LRP1B: variants seen among roughly 807,000 people sequenced by gnomAD.
LRP1B encodes the protein LDL receptor related protein 1B.
LRP1B carries 217 observed loss-of-function variants against 556.6 expected under a neutral mutation model. The observed-to-expected ratio is 0.39, with a 90% confidence interval of 0.35 to 0.44. LRP1B has a LOEUF of 0.44. Among genes scored for constraint, LRP1B ranks in the 20% least tolerant of loss-of-function variants. The pLI is 1.00. For synonymous variants in LRP1B, 2,047 were observed against 1,865.8 expected, an observed-to-expected ratio of 1.10 and a Z score of -2.50; for missense variants, 5,053 against 5,620.8, an observed-to-expected ratio of 0.90 and a Z score of 3.23.
intron 1 of LRP1B, among the ~76,000 whole-genome samples, chr2:141,936,609 C>T (rs567406818): frequency 6.6e-6 from 1 of 152,286 alleles, no homozygotes; most frequent in African/African-American, 2.4e-5. Context: ...TATTTTGTTA[C>T]AGCAGTTCTA....
At chr2:142,000,025 C>T (rs1559013646) in intron 1 of LRP1B, among the ~76,000 whole-genome samples, 1 of 139,238 alleles carries the variant, frequency 7.2e-6, no homozygotes, top group African/African-American at 2.5e-5. Context: ...ATTATATATA[C>T]TATATAATAT....
At chr2:141,761,788 T>C (rs1007539496) in intron 2 of LRP1B, among the ~76,000 whole-genome samples, 7 of 152,138 alleles carry the variant, frequency 4.6e-5, no homozygotes, top group African/African-American at 1.7e-4. Flanking sequence ...AAAAGGAATA[T>C]GCAGGCCAAT....
intron 20 of LRP1B, among the ~76,000 whole-genome samples, chr2:140,936,835 T>C (rs1204131668): frequency 3.3e-5 from 5 of 152,146 alleles, no homozygotes; most frequent in Middle Eastern, 3.2e-3. Flanking sequence ...GTTTCAGACA[T>C]ACAATGTATT....
intron 5 of LRP1B, among the ~76,000 whole-genome samples, chr2:141,231,117 A>T (rs116003290): frequency 0.015 from 2,269 of 152,358 alleles, 26 homozygotes; most frequent in Non-Finnish European, 0.022. Flanking sequence ...AGAAAATTTC[A>T]TAAATATCAT....
chr2:140,669,275 C>T (rs1429041299), intron 41 of LRP1B, among the ~76,000 whole-genome samples: 1 of 151,962 alleles, frequency 6.6e-6, no homozygotes, highest in African/African-American at 2.4e-5. Context: ...TTTTTACAAA[C>T]CAAAAAGTGT....
chr2:140,958,298 T>A (rs544860492), intron 18 of LRP1B, among the ~76,000 whole-genome samples: 2 of 151,522 alleles, frequency 1.3e-5, no homozygotes, highest in Non-Finnish European at 3.0e-5. Flanking sequence ...TAAGTCAAAA[T>A]GTATTTAAAA....
rs552537542 is a variant in LRP1B, at chr2:140,751,818, C to T, written c.5758+17395G>A. On this transcript the variant is annotated intron_variant, in intron 35 of 90. Coordinates refer to ENST00000389484, the MANE Select transcript of LRP1B (RefSeq NM_018557.3). ...TGCCCTGATTCTTATCCCTAGGATT[C>T]ATTTTTCCTTTCTGAAATATTTTTA... 3.3e-5 allele frequency among the ~76,000 whole-genome samples: 5 copies of T among 152,240 alleles called. No homozygotes were observed. In the East Asian group the frequency reaches 9.6e-4, roughly 29 times the overall value.
intron 20 of LRP1B, among the ~76,000 whole-genome samples, chr2:140,936,652 T>C (rs1035410022): frequency 6.6e-6 from 1 of 152,012 alleles, no homozygotes; most frequent in Non-Finnish European, 1.5e-5. Flanking sequence ...TCTAGTCTTA[T>C]TTTAACAGTG....
intron 1 of LRP1B, among the ~76,000 whole-genome samples, chr2:142,027,947 C>T (rs1338451547): frequency 6.6e-6 from 1 of 151,928 alleles, no homozygotes; most frequent in Non-Finnish European, 1.5e-5. Flanking sequence ...TTATTCCACT[C>T]TTGGTGAATG....
chr2:140,747,150 G>A (rs387927), intron 35 of LRP1B, among the ~76,000 whole-genome samples: 53,783 of 151,872 alleles, frequency 0.35, 9,668 homozygotes, highest in South Asian at 0.49. Context: ...AATATTGCTC[G>A]TGAATCTGCA....
At chr2:141,679,474 G>T (rs1691026189) in intron 2 of LRP1B, among the ~76,000 whole-genome samples, 1 of 152,048 alleles carries the variant, frequency 6.6e-6, no homozygotes, top group Non-Finnish European at 1.5e-5. Flanking sequence ...TAAGTATATG[G>T]AAAATAAAAA....
intron 23 of LRP1B, among the ~76,000 whole-genome samples, chr2:140,896,649 T>A (rs74825009): frequency 0.04 from 6,016 of 152,192 alleles, 185 homozygotes; most frequent in South Asian, 0.098. Context: ...GACTGGCTAA[T>A]TTTTAAATTA....
At chr2:140,901,086 A>G (rs1401496351) in intron 23 of LRP1B, among the ~76,000 whole-genome samples, 5 of 152,102 alleles carry the variant, frequency 3.3e-5, no homozygotes, top group Admixed American at 3.3e-4. Flanking sequence ...TAGTAGTAGT[A>G]TATTTATAGG....
intron 3 of LRP1B, among the ~76,000 whole-genome samples, chr2:141,407,971 ATC>A (rs1240903316): frequency 2.0e-5 from 3 of 152,028 alleles, no homozygotes; most frequent in African/African-American, 7.2e-5. Flanking sequence ...AGAATATAAC[ATC>A]CATATAACTA....
intron 63 of LRP1B, among the ~76,000 whole-genome samples, chr2:140,445,228 G>C (rs1686604017): frequency 6.6e-6 from 1 of 151,898 alleles, no homozygotes; most frequent in Non-Finnish European, 1.5e-5. Flanking sequence ...CAATTCTACT[G>C]CCTCAGCCAC....
chr2:140,566,741 T>C (rs1052799835), intron 43 of LRP1B, among the ~76,000 whole-genome samples: 3 of 152,122 alleles, frequency 2.0e-5, no homozygotes, highest in Admixed American at 6.6e-5. Flanking sequence ...AGAAGTAACA[T>C]ACCTGTGCCT....
At chr2:140,948,121 C>A (rs1343972732) in intron 20 of LRP1B, among the ~76,000 whole-genome samples, 1 of 152,086 alleles carries the variant, frequency 6.6e-6, no homozygotes, top group African/African-American at 2.4e-5. Flanking sequence ...ATCGTTTAAA[C>A]TTAGTGATAA....
chr2:141,416,068 G>C (rs570630786), intron 3 of LRP1B, among the ~76,000 whole-genome samples: 3 of 152,262 alleles, frequency 2.0e-5, no homozygotes, highest in South Asian at 4.1e-4. Flanking sequence ...AACTTTAAAT[G>C]AAATGTTTGT....
intron 2 of LRP1B, among the ~76,000 whole-genome samples, chr2:141,628,235 C>A (rs1688773011): frequency 6.6e-6 from 1 of 152,074 alleles, no homozygotes; most frequent in Admixed American, 6.5e-5. Flanking sequence ...TGATGAAAAT[C>A]AAATTGTGAG....
Sources: gnomAD v4.1 joint callset for allele counts (sites outside exome capture counted in the v4.1 genomes callset) on GRCh38, gnomAD v4.1.1 for gene constraint, MANE v1.5 for transcripts, NCBI Gene and HGNC (gene_info 2026-07-23, HGNC 2026-07-21) for gene names.